SLC2A12: variants seen among roughly 807,000 people sequenced by gnomAD.
SLC2A12 encodes the protein solute carrier family 2, facilitated glucose transporter member 12.
In SLC2A12, 23 loss-of-function variants were observed where a neutral mutation model predicts 41.8. The observed-to-expected ratio is 0.55, with a 90% CI of 0.40 to 0.78. The LOEUF (loss-of-function observed/expected upper bound fraction) is 0.78, where lower values mean the gene tolerates loss of function less well. Among genes scored for constraint, SLC2A12 ranks in the 30% least tolerant of loss-of-function variants. SLC2A12 has a pLI of 0.00. For synonymous variants in SLC2A12, 295 were observed against 285.9 expected (o/e 1.03, Z -0.32); for missense variants, 654 against 745.6 (o/e 0.88, Z 1.43).
At position 134,028,999 on chromosome 6, in the gene SLC2A12, G is replaced by T. The variant is rs372959738; in HGVS notation, c.826C>A (p.Arg276=). Residue 276 remains arginine, a synonymous_variant, in exon 2 of 5, where the codon CGG becomes AGG. Coordinates refer to ENST00000275230, the MANE Select transcript of SLC2A12 (RefSeq NM_145176.3). ...WDLFRSKDNM[R]TRIMIGLTLV... ...GTTAGTCCTATCATTATTCGGGTCC[G>T]CATGTTGTCTTTTGAACGAAACAGA... 6.2e-7 allele frequency: 1 copy of T among 1,614,060 alleles called. No homozygotes were observed. Among genetic ancestry groups the T allele is most frequent in the South Asian group, 1.1e-5 (1 of 91,092 alleles).
Position 134,028,978 on chromosome 6 carries a change from G to T in SLC2A12, c.847C>A (p.Leu283Ile). 1 of 1,614,206 alleles carries T rather than the reference G, an allele frequency of 6.2e-7. No homozygotes were observed. Among genetic ancestry groups the T allele is most frequent in the South Asian group, 1.1e-5 (1 of 91,088 alleles). Residue 283 changes from leucine (L) to isoleucine (I), a missense_variant, in exon 2 of 5, where the codon CTA becomes ATA. By Grantham distance (5) the Leu-to-Ile change is conservative. Transcript: ENST00000275230. ...DNMRTRIMIG[L>I]TLVFFVQITG... ...ATTTGTACAAAAAATACTAGTGTTA[G>T]TCCTATCATTATTCGGGTCCGCATG...
At chr6:134,015,831 G>A (rs1776953640) in intron 2 of SLC2A12, among the ~76,000 whole-genome samples, 1 of 152,128 alleles carries the variant, frequency 6.6e-6, no homozygotes, top group South Asian at 2.1e-4. Flanking sequence ...AATATCCAAT[G>A]AACAAAATTT....
At chr6:134,006,687 A>G in intron 3 of SLC2A12, 125 bp downstream of exon 3, 3 of 1,255,506 alleles carry the variant, frequency 2.4e-6, no homozygotes, top group Non-Finnish European at 2.2e-6. Flanking sequence ...CTTCAGGGTC[A>G]TGGCCGTTCT....
intron 1 of SLC2A12, among the ~76,000 whole-genome samples, chr6:134,047,926 G>A (rs1387382508): frequency 3.3e-5 from 5 of 152,240 alleles, no homozygotes; most frequent in South Asian, 4.1e-4. Context: ...TTCCTGCAGC[G>A]TGTGTCTGCT....
chr6:133,994,498 T>C (rs1374486721), intron 4 of SLC2A12, among the ~76,000 whole-genome samples: 2 of 151,934 alleles, frequency 1.3e-5, no homozygotes, highest in Non-Finnish European at 2.9e-5. Context: ...GAGGCCGAGG[T>C]GGGTGGATCA....
rs72984221 is a variant in SLC2A12, at chr6:134,023,342, G to C, written c.1444+5039C>G. Reference sequence around the variant, plus strand: ...AAAAGCAACAGCCGTTGTGATGATTGACTGAACTGAGAAAAAGCCCCAGAG... The same window carrying C: ...AAAAGCAACAGCCGTTGTGATGATTCACTGAACTGAGAAAAAGCCCCAGAG... On this transcript the variant is annotated intron_variant, in intron 2 of 4. Coordinates refer to ENST00000275230, the MANE Select transcript of SLC2A12 (RefSeq NM_145176.3). 3.1e-3 allele frequency among the ~76,000 whole-genome samples: 472 copies of C among 152,302 alleles called. 1 individual carries two copies. Among genetic ancestry groups the C allele is most frequent in the Non-Finnish European group, 5.4e-3 (370 of 68,024 alleles).
intron 1 of SLC2A12, among the ~76,000 whole-genome samples, chr6:134,033,139 G>A (rs555935882): frequency 4.3e-4 from 66 of 152,040 alleles, no homozygotes; most frequent in Admixed American, 1.6e-3. Context: ...GTGAATTTGG[G>A]TAAGTACAGA....
chr6:134,022,516 A>C (rs905810398), intron 2 of SLC2A12, among the ~76,000 whole-genome samples: 21 of 151,792 alleles, frequency 1.4e-4, no homozygotes, highest in Non-Finnish European at 4.4e-5. Flanking sequence ...AGGTGACAAG[A>C]GTGAAACTCC....
intron 3 of SLC2A12, 66 bp from the exon 4 acceptor site, chr6:134,002,195 G>C: frequency 6.6e-7 from 1 of 1,511,104 alleles, no homozygotes; most frequent in Non-Finnish European, 8.9e-7. Flanking sequence ...TTTGTGAACA[G>C]CCACTTAGGG....
At position 134,029,682 on chromosome 6, in the gene SLC2A12, G is replaced by T; in HGVS notation, c.143C>A (p.Ala48Asp). 3 of 1,609,032 alleles carry T rather than the reference G, an allele frequency of 1.9e-6. No homozygotes were observed. Among genetic ancestry groups the T allele is most frequent in the South Asian group, 2.2e-5 (2 of 91,042 alleles). The change falls in exon 2 of 5, where the codon GCT becomes GAT. Residue 48 changes from alanine (A) to aspartate (D), a missense_variant. Around this residue, in one of 3 missense-constraint regions of SLC2A12, gnomAD observed 109 missense variants for 153.0 expected, o/e 0.71. Transcript: ENST00000275230. ...MFTFLSSVTAAVSGLLVGYEL... is the reference protein window; with the variant it reads ...MFTFLSSVTADVSGLLVGYEL... Reference sequence around the variant, plus strand: ...ATAACCCACCAGGAGGCCACTGACAGCAGCAGTGACAGATGACAGGAAGGT... The same window carrying T: ...ATAACCCACCAGGAGGCCACTGACATCAGCAGTGACAGATGACAGGAAGGT...
At chr6:134,036,755 A>G (rs937406758) in intron 1 of SLC2A12, among the ~76,000 whole-genome samples, 3 of 152,236 alleles carry the variant, frequency 2.0e-5, no homozygotes, top group Admixed American at 2.0e-4. Flanking sequence ...CTAGAACTTT[A>G]TCTTCATATA....
chr6:134,041,436 T>C (rs1777379901), intron 1 of SLC2A12, among the ~76,000 whole-genome samples: 1 of 151,920 alleles, frequency 6.6e-6, no homozygotes, highest in Non-Finnish European at 1.5e-5. Context: ...TAAGCTATGA[T>C]TTTACCTCTG....
At chr6:134,044,456 G>C (rs1041557398) in intron 1 of SLC2A12, among the ~76,000 whole-genome samples, 1 of 152,200 alleles carries the variant, frequency 6.6e-6, no homozygotes, top group South Asian at 2.1e-4. Flanking sequence ...CTTCACGCCT[G>C]TAATCCCAAC....
At chr6:133,992,207 A>G (rs1700301925) in intron 4 of SLC2A12, among the ~76,000 whole-genome samples, 1 of 152,176 alleles carries the variant, frequency 6.6e-6, no homozygotes. Context: ...ATAATCCCAT[A>G]GGAGGGGGAA....
chr6:134,035,727 A>T lies in SLC2A12; in HGVS notation c.104-6006T>A, dbSNP rs577733751. On this transcript the variant is annotated intron_variant, in intron 1 of 4. Transcript: ENST00000275230. ...AAAGGCATCACACCTTTCTGTCTCC[A>T]CACTGCGTTGCTAGAAGTTCAGCAG... Among the ~76,000 whole-genome samples the T allele has an allele frequency of 3.3e-5, 5 of 152,364 alleles. No homozygotes were observed. The East Asian group carries it at 9.6e-4, about 29-fold the overall frequency.
At chr6:134,023,131 G>T (rs1014236303) in intron 2 of SLC2A12, among the ~76,000 whole-genome samples, 1 of 152,104 alleles carries the variant, frequency 6.6e-6, no homozygotes, top group Non-Finnish European at 1.5e-5. Flanking sequence ...CAACACCCCC[G>T]CTATTCCGTA....
At chr6:134,034,053 C>A (rs917599182) in intron 1 of SLC2A12, among the ~76,000 whole-genome samples, 2 of 152,240 alleles carry the variant, frequency 1.3e-5, no homozygotes, top group Admixed American at 1.3e-4. Flanking sequence ...CCCCTTGAAA[C>A]CCATGGAGTA....
chr6:133,992,521 A>T (rs992425081), intron 4 of SLC2A12, among the ~76,000 whole-genome samples: 2 of 152,214 alleles, frequency 1.3e-5, no homozygotes, highest in Non-Finnish European at 2.9e-5. Context: ...TCATAAGGTG[A>T]AAACAAGGCT....
chr6:134,034,918 C>T (rs1047038078), intron 1 of SLC2A12, among the ~76,000 whole-genome samples: 1 of 152,150 alleles, frequency 6.6e-6, no homozygotes, highest in African/African-American at 2.4e-5. Flanking sequence ...TTCCTTTACA[C>T]CCCAGTTCTC....
Sources: allele counts gnomAD v4.1 joint callset (sites outside exome capture counted in the v4.1 genomes callset), GRCh38; gene constraint gnomAD v4.1.1; regional missense constraint gnomAD v4.1.1; transcripts MANE v1.5; gene names NCBI Gene and HGNC (gene_info 2026-07-23, HGNC 2026-07-21).